The following CSMD1 variants were observed in gnomAD, a reference collection of about 807,000 sequenced individuals.
The protein encoded by CSMD1 is CUB and Sushi multiple domains 1, also known as CUB and sushi domain-containing protein 1.
A neutral mutation model predicts 417.5 loss-of-function variants in CSMD1; 213 were observed. The observed-to-expected ratio is 0.51, with a 90% CI of 0.46 to 0.57. The LOEUF (loss-of-function observed/expected upper bound fraction) is 0.57, where lower values mean the gene tolerates loss of function less well. Ranked by LOEUF, CSMD1 falls within the 20% of genes least tolerant of loss-of-function variation. CSMD1 has a pLI of 0.00. For missense variants in CSMD1, 6,923 were observed against 4,529.7 expected, an observed-to-expected ratio of 1.53 and a Z score of -15.17; for synonymous variants, 2,862 against 1,736.8, an observed-to-expected ratio of 1.65 and a Z score of -16.11.
At chr8:4,311,115 G>A (rs558750307) in intron 3 of CSMD1, among the ~76,000 whole-genome samples, 3 of 152,282 alleles carry the variant, frequency 2.0e-5, no homozygotes, top group African/African-American at 2.4e-5. Flanking sequence ...GCTAGAAGCT[G>A]AACTGCCACT....
chr8:4,944,286 A>T (rs11997657), intron 1 of CSMD1, among the ~76,000 whole-genome samples: 77,957 of 152,046 alleles, frequency 0.51, 21,249 homozygotes, highest in East Asian at 0.79. Flanking sequence ...TGTGAGTATT[A>T]TGGAGATCAA....
At chr8:3,543,125 G>T (rs1285935124) in intron 10 of CSMD1, among the ~76,000 whole-genome samples, 1 of 152,168 alleles carries the variant, frequency 6.6e-6, no homozygotes, top group Non-Finnish European at 1.5e-5. Context: ...CATCCTGAAG[G>T]ATGATCCCAG....
intron 6 of CSMD1, among the ~76,000 whole-genome samples, chr8:3,729,667 G>A (rs1014030134): frequency 2.1e-5 from 3 of 146,218 alleles, no homozygotes; most frequent in Admixed American, 6.7e-5. Flanking sequence ...GGCTACCAGC[G>A]AAGTGTTTAA....
At chr8:3,519,887 A>C (rs1797430871) in intron 10 of CSMD1, among the ~76,000 whole-genome samples, 1 of 152,084 alleles carries the variant, frequency 6.6e-6, no homozygotes, top group African/African-American at 2.4e-5. Flanking sequence ...TACTCAATTA[A>C]TACATTTATA....
rs533307999 is a variant in CSMD1 at position 4,966,874 on chromosome 8, T to C, written c.85+27458A>G. On this transcript the variant is annotated intron_variant, in intron 1 of 69. Coordinates refer to ENST00000635120, the MANE Select transcript of CSMD1 (RefSeq NM_033225.6). ...TAATTATGTAAGATCATCTTTCCCTTATTCACAAGCACGGTTAAAAATATC... is the reference window on the plus strand; with the variant it reads ...TAATTATGTAAGATCATCTTTCCCTCATTCACAAGCACGGTTAAAAATATC... 7.9e-5 allele frequency among the ~76,000 whole-genome samples: 12 copies of C among 152,312 alleles called. No individual in the cohort carries two copies. The South Asian group carries it at 8.3e-4, about 11-fold the overall frequency.
intron 21 of CSMD1, 86 bp from the exon 22 acceptor site, chr8:3,348,247 C>A (rs2117639593): frequency 1.1e-6 from 1 of 918,404 alleles, no homozygotes; most frequent in Non-Finnish European, 1.7e-6. Context: ...ATCATGATAG[C>A]CTCCTCTTCT....
chr8:3,083,624 A>T (rs1442564308), intron 49 of CSMD1, among the ~76,000 whole-genome samples: 3 of 16,984 alleles, frequency 1.8e-4, no homozygotes, highest in African/African-American at 6.5e-4. Flanking sequence ...ATATATATAT[A>T]TATATATATA....
In CSMD1 at chr8:3,837,172, A is replaced by G. The variant is rs138643690; in HGVS notation, c.819-83130T>C. 5.4e-4 allele frequency among the ~76,000 whole-genome samples: 82 copies of G among 152,242 alleles called. 2 individuals are homozygous for G. In the East Asian group the frequency reaches 0.013, roughly 23 times the overall value. On this transcript the variant is annotated intron_variant, in intron 5 of 69. Coordinates refer to ENST00000635120, the MANE Select transcript of CSMD1 (RefSeq NM_033225.6). Reference sequence around the variant, plus strand: ...AAAGGAAAAAAAAAAATCTGTTCACATCAGTTTCACAGTCTGTGGTCAAAG... The same window carrying G: ...AAAGGAAAAAAAAAAATCTGTTCACGTCAGTTTCACAGTCTGTGGTCAAAG...
chr8:4,530,201 C>G (rs887966971), intron 2 of CSMD1, among the ~76,000 whole-genome samples: 3 of 151,964 alleles, frequency 2.0e-5, no homozygotes, highest in Non-Finnish European at 4.4e-5. Context: ...GCACGAGCCA[C>G]CGCGCCAGGC....
chr8:3,463,301 C>G (rs1469450599), intron 12 of CSMD1, among the ~76,000 whole-genome samples: 1 of 152,138 alleles, frequency 6.6e-6, no homozygotes, highest in Non-Finnish European at 1.5e-5. Flanking sequence ...GGCTCTGCTT[C>G]CAAGAAAAAG....
At chr8:3,256,491 C>G (rs971080671) in intron 26 of CSMD1, among the ~76,000 whole-genome samples, 1 of 152,142 alleles carries the variant, frequency 6.6e-6, no homozygotes, top group African/African-American at 2.4e-5. Flanking sequence ...GCTACTATAT[C>G]TATAGATATA....
chr8:2,992,250 G>C (rs945199442), intron 54 of CSMD1, among the ~76,000 whole-genome samples: 2 of 152,082 alleles, frequency 1.3e-5, no homozygotes, highest in Non-Finnish European at 1.5e-5. Flanking sequence ...ATTGCTGGGA[G>C]GTAGAGGAGT....
chr8:3,867,261 A>T (rs1805168548), intron 5 of CSMD1, among the ~76,000 whole-genome samples: 1 of 152,166 alleles, frequency 6.6e-6, no homozygotes, highest in African/African-American at 2.4e-5. Flanking sequence ...AAGAAGCAAG[A>T]CCATACCATT....
chr8:4,004,949 T>G (rs553216170), intron 4 of CSMD1, among the ~76,000 whole-genome samples: 1 of 152,140 alleles, frequency 6.6e-6, no homozygotes, highest in Non-Finnish European at 1.5e-5. Flanking sequence ...TTTCACCGTG[T>G]TAGCCAGGAT....
At chr8:3,597,336 G>T (rs917106794) in intron 8 of CSMD1, among the ~76,000 whole-genome samples, 2 of 151,948 alleles carry the variant, frequency 1.3e-5, no homozygotes, top group Non-Finnish European at 2.9e-5. Context: ...ATCTCTGTCT[G>T]GTTCCAATTT....
intron 2 of CSMD1, among the ~76,000 whole-genome samples, chr8:4,537,100 G>A (rs889139268): frequency 6.6e-6 from 1 of 152,068 alleles, no homozygotes; most frequent in Non-Finnish European, 1.5e-5. Context: ...AGGGAAATGT[G>A]AACTATTTTC....
At chr8:3,302,282 T>G (rs919633420) in intron 25 of CSMD1, among the ~76,000 whole-genome samples, 1 of 152,152 alleles carries the variant, frequency 6.6e-6, no homozygotes, top group East Asian at 1.9e-4. Flanking sequence ...CTCTAGAAGT[T>G]TCTTTAATGT....
At chr8:2,964,323 G>C (rs1803762107) in intron 59 of CSMD1, among the ~76,000 whole-genome samples, 1 of 152,192 alleles carries the variant, frequency 6.6e-6, no homozygotes, top group Non-Finnish European at 1.5e-5. Flanking sequence ...ACCTTCTACT[G>C]ATCTGTTCAC....
chr8:4,331,911 T>C (rs1381300771), intron 3 of CSMD1, among the ~76,000 whole-genome samples: 4 of 152,150 alleles, frequency 2.6e-5, no homozygotes, highest in African/African-American at 9.7e-5. Context: ...AAAGCCCACA[T>C]CGTAATGATT....
Sources: gnomAD v4.1 joint callset for allele counts (sites outside exome capture counted in the v4.1 genomes callset) on GRCh38, gnomAD v4.1.1 for gene constraint, MANE v1.5 for transcripts, NCBI Gene and HGNC (gene_info 2026-07-23, HGNC 2026-07-21) for gene names.